Variants in NRG3 observed in about 807,000 individuals in gnomAD.
NRG3 encodes the protein neuregulin 3, also known as pro-neuregulin-3, membrane-bound isoform.
In NRG3, 31 loss-of-function variants were observed where a neutral mutation model predicts 66.9. The ratio of observed to expected loss-of-function variants is 0.46; its 90% CI spans 0.35 to 0.63. The LOEUF (loss-of-function observed/expected upper bound fraction) is 0.63. Among genes scored for constraint, NRG3 ranks in the 20% least tolerant of loss-of-function variants. NRG3 has a pLI of 0.00. For missense variants in NRG3, 910 were observed against 878.9 expected, an observed-to-expected ratio of 1.04 and a Z score of -0.45; for synonymous variants, 393 against 359.4, an observed-to-expected ratio of 1.09 and a Z score of -1.06.
intron 3 of NRG3, among the ~76,000 whole-genome samples, chr10:82,812,902 C>T (rs2061550031): frequency 6.6e-6 from 1 of 152,116 alleles, no homozygotes; most frequent in Non-Finnish European, 1.5e-5. Flanking sequence ...TTCTCCTCTG[C>T]AATAGTCAAA....
Position 82,965,592 on chromosome 10 carries a change from C to T in NRG3, c.1284+6517C>T, listed in dbSNP as rs147087632. ...CCCTACTAAAAATCCAAAAATTAGC[C>T]GGGCGTGGTGGTGGGCGCCTGTAAT... On this transcript the variant is annotated intron_variant, in intron 6 of 8. Transcript: ENST00000372141. 1.4e-4 allele frequency among the ~76,000 whole-genome samples: 22 copies of T among 152,020 alleles called. 1 individual carries two copies. In the East Asian group the frequency reaches 4.1e-3, roughly 28 times the overall value.
chr10:82,221,926 C>T (rs1019962680), intron 1 of NRG3, among the ~76,000 whole-genome samples: 3 of 151,974 alleles, frequency 2.0e-5, no homozygotes, highest in African/African-American at 7.2e-5. Flanking sequence ...AAACTAACCA[C>T]TCCCATCCAG....
chr10:82,457,611 G>T (rs188711017), intron 2 of NRG3, among the ~76,000 whole-genome samples: 13 of 152,302 alleles, frequency 8.5e-5, no homozygotes, highest in African/African-American at 3.1e-4. Flanking sequence ...AGGAGGAGCT[G>T]CATGATACCT....
chr10:82,169,938 G>A lies in NRG3; in HGVS notation c.824-188801G>A, dbSNP rs192658265. Among the ~76,000 whole-genome samples the A allele has an allele frequency of 1.4e-3, 214 of 148,160 alleles. 1 individual carries two copies. Among genetic ancestry groups the A allele is most frequent in the African/African-American group, 5.1e-3 (206 of 40,650 alleles). Reference sequence around the variant, plus strand: ...TATTTGTTCTACTGTTAGCCTACTTGTGTGTAAACAAATTAGCTTCTCAGA... The same window carrying A: ...TATTTGTTCTACTGTTAGCCTACTTATGTGTAAACAAATTAGCTTCTCAGA... On this transcript the variant is annotated intron_variant, in intron 1 of 8. Coordinates refer to ENST00000372141, the MANE Select transcript of NRG3 (RefSeq NM_001010848.4).
At chr10:82,929,682 A>G (rs1001634605) in intron 4 of NRG3, among the ~76,000 whole-genome samples, 1 of 151,952 alleles carries the variant, frequency 6.6e-6, no homozygotes, top group African/African-American at 2.4e-5. Context: ...TCAGGAGTTC[A>G]ATACCAGCCA....
In NRG3 at chr10:82,515,986, G is replaced by T. The variant is rs377708670; in HGVS notation, c.953+157118G>T. 4.6e-5 allele frequency among the ~76,000 whole-genome samples: 7 copies of T among 152,296 alleles called. No individual in the cohort carries two copies. In the East Asian group the frequency reaches 1.4e-3, roughly 29 times the overall value. ...AAACATCCAAGACAGTTTGTACCAG[G>T]ATAACCCCAATAGTTGTTAAAATAT... On this transcript the variant is annotated intron_variant, in intron 2 of 8. Transcript: ENST00000372141.
At chr10:82,319,386 GT>G (rs577493839) in intron 1 of NRG3, among the ~76,000 whole-genome samples, 7 of 152,222 alleles carry the variant, frequency 4.6e-5, no homozygotes, top group Non-Finnish European at 1.0e-4. Context: ...TAATGAGGCT[GT>G]TGTATGCATA....
intron 3 of NRG3, among the ~76,000 whole-genome samples, chr10:82,773,199 C>T (rs898506975): frequency 2.0e-5 from 3 of 152,126 alleles, no homozygotes; most frequent in African/African-American, 4.8e-5. Flanking sequence ...TCTACATTCC[C>T]GCCAACTGTG....
chr10:82,896,940 A>T (rs150274379), intron 4 of NRG3, among the ~76,000 whole-genome samples: 13 of 152,326 alleles, frequency 8.5e-5, no homozygotes, highest in Middle Eastern at 3.4e-3. Flanking sequence ...TGTCAGCTGA[A>T]ATCATACTGG....
At chr10:82,869,496 G>T (rs1841080838) in intron 4 of NRG3, among the ~76,000 whole-genome samples, 1 of 151,830 alleles carries the variant, frequency 6.6e-6, no homozygotes. Flanking sequence ...TACAGAGTAG[G>T]TTTACTGCCC....
At chr10:82,392,381 A>G (rs1198823701) in intron 2 of NRG3, among the ~76,000 whole-genome samples, 8 of 152,208 alleles carry the variant, frequency 5.3e-5, no homozygotes, top group Non-Finnish European at 1.2e-4. Flanking sequence ...CAGGAAATAT[A>G]TAGACAGTTG....
intron 2 of NRG3, among the ~76,000 whole-genome samples, chr10:82,372,626 C>T (rs7068061): frequency 0.14 from 20,763 of 151,990 alleles, 2,670 homozygotes; most frequent in African/African-American, 0.33. Flanking sequence ...GAGAGTCTTG[C>T]TGTGTTGCCC....
intron 1 of NRG3, among the ~76,000 whole-genome samples, chr10:82,235,908 T>C (rs72825491): frequency 0.13 from 19,336 of 152,086 alleles, 1,340 homozygotes; most frequent in East Asian, 0.24. Context: ...CCTTGATTTT[T>C]GTAGATCACA....
At chr10:82,966,510 C>T (rs1851220279) in intron 6 of NRG3, among the ~76,000 whole-genome samples, 1 of 152,116 alleles carries the variant, frequency 6.6e-6, no homozygotes, top group African/African-American at 2.4e-5. Context: ...TTGAAGTTTA[C>T]CTTATCATCT....
chr10:82,551,784 A>G (rs1302236614), intron 2 of NRG3, among the ~76,000 whole-genome samples: 3 of 151,852 alleles, frequency 2.0e-5, no homozygotes, highest in African/African-American at 7.3e-5. Context: ...CTGCCCTACA[A>G]CCTAGCCTGA....
chr10:82,817,052 T>C (rs1483610421), intron 3 of NRG3, among the ~76,000 whole-genome samples: 1 of 152,230 alleles, frequency 6.6e-6, no homozygotes, highest in Non-Finnish European at 1.5e-5. Context: ...CAGTTTTGGT[T>C]TTAAATTCTA....
At chr10:82,527,169 T>C (rs1024574690) in intron 2 of NRG3, among the ~76,000 whole-genome samples, 2 of 151,864 alleles carry the variant, frequency 1.3e-5, no homozygotes, top group African/African-American at 4.8e-5. Flanking sequence ...TGTATTGTAT[T>C]ACCAAAAAAA....
At chr10:82,022,566 G>A (rs956902497) in intron 1 of NRG3, among the ~76,000 whole-genome samples, 11 of 152,002 alleles carry the variant, frequency 7.2e-5, no homozygotes, top group Non-Finnish European at 1.6e-4. Flanking sequence ...TTCATTATTG[G>A]TGTACTTCTC....
intron 8 of NRG3, 125 bp from the exon 9 acceptor site, chr10:82,984,973 C>T (rs145040094): frequency 1.2e-5 from 16 of 1,304,566 alleles, no homozygotes; most frequent in Admixed American, 3.5e-5. Context: ...ACCTATTATC[C>T]GTCTCATGGG....
Sources: allele counts gnomAD v4.1 joint callset (sites outside exome capture counted in the v4.1 genomes callset), GRCh38; gene constraint gnomAD v4.1.1; transcripts MANE v1.5; gene names NCBI Gene and HGNC (gene_info 2026-07-23, HGNC 2026-07-21).